The following PUM2 variants were observed in gnomAD, a reference collection of about 807,000 sequenced individuals.
The protein encoded by PUM2 is pumilio RNA binding family member 2.
A neutral mutation model predicts 124.5 loss-of-function variants in PUM2; 57 were observed. The ratio of observed to expected loss-of-function variants is 0.46; its 90% confidence interval spans 0.37 to 0.57. PUM2 has a LOEUF of 0.57. PUM2 is among the 20% of genes least tolerant of loss of function. The pLI is 0.00. For missense variants in PUM2, 1,065 were observed against 1,290.6 expected (o/e 0.83, Z 2.68); for synonymous variants, 460 against 446.1 (o/e 1.03, Z -0.39).
chr2:20,312,334 G>A lies in PUM2; in HGVS notation c.250C>T (p.Arg84Ter), dbSNP rs1283233538. 5 of 1,613,222 alleles carry A rather than the reference G, an allele frequency of 3.1e-6. No homozygotes were observed. Among genetic ancestry groups the A allele is most frequent in the South Asian group, 1.1e-5 (1 of 91,050 alleles). Residue 84 changes from arginine to a stop codon, truncating the protein, a stop_gained, in exon 4 of 21, where the codon CGA becomes TGA. Coordinates refer to ENST00000361078, the MANE Select transcript of PUM2 (RefSeq NM_015317.5). LOFTEE classifies it high-confidence loss of function. Reference sequence around the variant, plus strand: ...ACACCAAGGCCTCCACTTTCTGATCGCGGAGACAGTATTGCATTTACTTCA... The same window carrying A: ...ACACCAAGGCCTCCACTTTCTGATCACGGAGACAGTATTGCATTTACTTCA... Reference protein sequence around the residue: ...NSEVNAILSPRSESGGLGVSM... With the variant: ...NSEVNAILSP
chr2:20,351,299 G>A (rs950189814), upstream of PUM2, among the ~76,000 whole-genome samples: 1 of 152,242 alleles, frequency 6.6e-6, no homozygotes, highest in African/African-American at 2.4e-5. Context: ...ACAAGAGCCG[G>A]ACGTTAATTC....
intron 5 of PUM2, among the ~76,000 whole-genome samples, 158 bp from the exon 6 acceptor site, chr2:20,308,742 TA>T (rs1272649555): frequency 6.6e-6 from 1 of 152,188 alleles, no homozygotes; most frequent in Non-Finnish European, 1.5e-5. Context: ...TTCTATTTAA[TA>T]TAACTTTCCT....
intron 14 of PUM2, among the ~76,000 whole-genome samples, chr2:20,260,754 CATTT>C (rs1558487441): frequency 6.6e-6 from 1 of 152,068 alleles, no homozygotes; most frequent in African/African-American, 2.4e-5. Context: ...GCTGCTTATT[CATTT>C]ATTTTTCATA....
intron 12 of PUM2, among the ~76,000 whole-genome samples, chr2:20,280,126 T>C (rs1671155511): frequency 2.0e-5 from 3 of 151,762 alleles, no homozygotes; most frequent in African/African-American, 7.3e-5. Context: ...AAGGTAAGAG[T>C]ATAATACAGA....
At chr2:20,302,369 T>C (rs959331162) in intron 7 of PUM2, among the ~76,000 whole-genome samples, 2 of 152,218 alleles carry the variant, frequency 1.3e-5, no homozygotes, top group African/African-American at 4.8e-5. Context: ...AATAGGTAAA[T>C]TAAAAAATTT....
intron 7 of PUM2, among the ~76,000 whole-genome samples, chr2:20,306,052 A>C (rs1678191519): frequency 1.3e-5 from 2 of 152,106 alleles, no homozygotes; most frequent in Non-Finnish European, 2.9e-5. Flanking sequence ...GTCTCTACAA[A>C]AAATTTGCCA....
intron 3 of PUM2, among the ~76,000 whole-genome samples, chr2:20,315,060 CTTT>C (rs11327686): frequency 2.7e-4 from 34 of 124,854 alleles, no homozygotes; most frequent in Admixed American, 3.2e-4. Flanking sequence ...AAGTGTGCTT[CTTT>C]TTTTTTTTTT....
rs1359826346 is a variant in PUM2, at chr2:20,308,027, T to C, written c.834A>G (p.Ala278=). 6.2e-7 allele frequency: 1 copy of C among 1,613,074 alleles called. No homozygotes were observed. Among genetic ancestry groups the C allele is most frequent in the Non-Finnish European group, 8.5e-7 (1 of 1,179,044 alleles). The change falls in exon 7 of 21, where the codon GCA becomes GCG. Residue 278 remains alanine, a synonymous_variant. Transcript: ENST00000361078. ...TNALTVQQLT[A]AQQQQYALAA... is the part of the protein sequence containing the mutation. ...CTAATGCATATTGCTGCTGTTGAGC[T>C]GCAGTTAACTGTTGAACTGTTAGTG...
intron 7 of PUM2, among the ~76,000 whole-genome samples, chr2:20,306,073 C>T (rs1032620258): frequency 1.3e-5 from 2 of 151,994 alleles, no homozygotes; most frequent in African/African-American, 2.4e-5. Context: ...GGTGTGGTGG[C>T]GTGCACCTGT....
chr2:20,312,499 A>T (rs1679843699), intron 3 of PUM2, 76 bp from the exon 4 acceptor site: 1 of 1,317,522 alleles, frequency 7.6e-7, no homozygotes, highest in African/African-American at 1.5e-5. Context: ...AATATACTGA[A>T]GTAAGAAAAA....
At chr2:20,271,728 A>G (rs1669056824) in intron 13 of PUM2, among the ~76,000 whole-genome samples, 1 of 152,200 alleles carries the variant, frequency 6.6e-6, no homozygotes, top group South Asian at 2.1e-4. Context: ...AGCCAATAAC[A>G]CTGACATTCA....
intron 10 of PUM2, among the ~76,000 whole-genome samples, chr2:20,285,897 G>C (rs547920798): frequency 6.6e-6 from 1 of 152,254 alleles, no homozygotes; most frequent in Admixed American, 6.5e-5. Context: ...GAATCATGAA[G>C]AATCTCCATA....
chr2:20,269,349 C>T (rs1401213903), intron 13 of PUM2, among the ~76,000 whole-genome samples: 6 of 152,096 alleles, frequency 3.9e-5, no homozygotes, highest in Middle Eastern at 6.8e-3. Flanking sequence ...TACAGGCACC[C>T]GCCACCACGC....
intron 5 of PUM2, among the ~76,000 whole-genome samples, chr2:20,310,258 T>G (rs902161447): frequency 2.0e-5 from 3 of 151,990 alleles, no homozygotes; most frequent in African/African-American, 7.2e-5. Flanking sequence ...ACCTAAAAAC[T>G]TAATGGAATA....
intron 5 of PUM2, among the ~76,000 whole-genome samples, chr2:20,310,803 C>T (rs1269795804): frequency 1.3e-5 from 2 of 151,860 alleles, no homozygotes; most frequent in African/African-American, 4.8e-5. Flanking sequence ...TATTGAAATA[C>T]TACAGAAAAT....
Position 20,323,662 on chromosome 2 carries a change from C to T in PUM2, c.51+3648G>A, listed in dbSNP as rs918554648. Among the ~76,000 whole-genome samples the T allele has an allele frequency of 7.2e-5, 11 of 151,978 alleles. No homozygotes were observed. In the South Asian group the frequency reaches 1.0e-3, roughly 14 times the overall value. ...TCTTGAGTCAGTTTGACTATCCTAG[C>T]GGGATGATGAAAACCCACTACTTAG... is the stretch of plus-strand genomic sequence containing the variant. On this transcript the variant is annotated intron_variant, in intron 2 of 20. Transcript: ENST00000361078.
intron 10 of PUM2, among the ~76,000 whole-genome samples, chr2:20,288,889 C>CT (rs1338898839): frequency 1.3e-5 from 2 of 152,136 alleles, no homozygotes; most frequent in Non-Finnish European, 2.9e-5. Flanking sequence ...GTCACTGAAA[C>CT]ATACAAATAC....
intron 3 of PUM2, among the ~76,000 whole-genome samples, chr2:20,315,718 C>T (rs531527175): frequency 6.2e-4 from 94 of 151,166 alleles, no homozygotes; most frequent in Admixed American, 3.5e-3. Flanking sequence ...TCCAGCACTT[C>T]GGGAGGCTGA....
intron 1 of PUM2, among the ~76,000 whole-genome samples, chr2:20,334,931 G>A (rs1414196930): frequency 4.6e-5 from 7 of 152,096 alleles, no homozygotes; most frequent in Admixed American, 2.0e-4. Context: ...CATATTCTCC[G>A]TAATCATCCT....
Sources: gnomAD v4.1 joint callset for allele counts (sites outside exome capture counted in the v4.1 genomes callset) on GRCh38, gnomAD v4.1.1 for gene constraint, MANE v1.5 for transcripts, NCBI Gene and HGNC (gene_info 2026-07-23, HGNC 2026-07-21) for gene names.